Variants in C2orf81 observed in about 807,000 individuals in gnomAD.
C2orf81 encodes the protein uncharacterized protein C2orf81.
In C2orf81, 5 loss-of-function variants were observed where a neutral mutation model predicts 7.9. The observed-to-expected ratio is 0.63, with a 90% CI of 0.33 to 1.33. The LOEUF (loss-of-function observed/expected upper bound fraction) is 1.33, where lower values mean the gene tolerates loss of function less well. Ranked by LOEUF, C2orf81 falls within the 40% of genes most tolerant of loss-of-function variation. The probability of loss-of-function intolerance (pLI) is 0.05; values close to 1 mark genes in which losing one functional copy is unlikely to be tolerated. For missense variants in C2orf81, 781 were observed against 830.4 expected (o/e 0.94, Z 0.73); for synonymous variants, 346 against 367.4 (o/e 0.94, Z 0.66).
At position 74,415,413 on chromosome 2, in the gene C2orf81, G is replaced by C; in HGVS notation, c.764C>G (p.Ser255Cys). The change falls in exon 3 of 3, where the codon TCC becomes TGC. Residue 255 changes from serine to cysteine, a missense_variant. Ser to Cys is a moderately radical substitution (Grantham distance 112, BLOSUM62 -1). Coordinates refer to ENST00000684111, the MANE Select transcript of C2orf81 (RefSeq NM_001316764.3). This position sits in a 1 kb window ranked among gnomAD's most constrained non-coding sequence, Gnocchi z 5.5. Reference protein sequence around the residue: ...GQSRGLSSAGSLSASFQLSVE... With the variant: ...GQSRGLSSAGCLSASFQLSVE... ...CGACAGTTGGAAGCTCGCGCTCAAG[G>C]ACCCGGCCGAGGAGAGGCCTCTAGA... 2 of 1,530,006 alleles carry C rather than the reference G, an allele frequency of 1.3e-6. No individual in the cohort carries two copies. Among genetic ancestry groups the C allele is most frequent in the Non-Finnish European group, 1.8e-6 (2 of 1,133,202 alleles). The allele number at this position is 1,530,006 out of a possible 1,614,324, so 94.8% of individuals were successfully genotyped here. A position where few individuals can be genotyped will look rare whatever the true frequency, so the allele number is the denominator to read the frequency against.
In C2orf81 at chr2:74,415,272, T is replaced by C; in HGVS notation, c.905A>G (p.Asp302Gly). 1.9e-6 allele frequency: 3 copies of C among 1,551,050 alleles called. No individual in the cohort carries two copies. The highest frequency in any genetic ancestry group is 1.7e-6 in the Non-Finnish European group (2 of 1,146,862). The change falls in exon 3 of 3, where the codon GAC (aspartate) becomes GGC (glycine). Residue 302 changes from aspartate to glycine, a missense_variant. Physicochemically the swap from Asp to Gly is moderately conservative, Grantham distance 94. Transcript: ENST00000684111. The surrounding 1 kb of genome is among the most constrained non-coding windows in gnomAD (Gnocchi z 5.5). ...CAGTTGAGGCATGCAACAGTAGAGG[T>C]CTTCCAACGACAAATGGAAGCCGAG... is the stretch of plus-strand genomic sequence containing the variant. The part of the protein sequence containing the change: ...HPLGFHLSLE[D>G]LYCCMPQLDA...
intron 1 of C2orf81, chr2:74,418,299 G>A (rs1032344452): frequency 6.2e-7 from 1 of 1,608,380 alleles, no homozygotes; most frequent in Non-Finnish European, 8.5e-7. Context: ...GCACTTCGCT[G>A]AGCTCCTTCT....
intron 1 of C2orf81, 54 bp from the exon 2 acceptor site, chr2:74,416,295 G>A: frequency 3.2e-6 from 4 of 1,237,612 alleles, no homozygotes; most frequent in Non-Finnish European, 4.2e-6. Flanking sequence ...TGGAACGGAA[G>A]AGTAGCTATA....
chr2:74,414,428 C>T lies in C2orf81; in HGVS notation c.1749G>A (p.Leu583=), dbSNP rs573053047. ...VSMWNRSTQV[L]LSSGVPEQED... is the part of the protein sequence containing the mutation. ...CTTGTTCAGGCACACCAGAGCTGAG[C>T]AACACCTGGGTGCTCCGGTTCCACA... Residue 583 remains leucine (L), a synonymous_variant, in exon 3 of 3, where the codon TTG becomes TTA. Transcript: ENST00000684111. The surrounding 1 kb of genome is among the most constrained non-coding windows in gnomAD (Gnocchi z 5.3). The T allele has an allele frequency of 1.1e-5, 17 of 1,550,752 alleles. 1 individual carries two copies. In the South Asian group the frequency reaches 1.4e-4, roughly 13 times the overall value.
chr2:74,416,293 A>C, intron 1 of C2orf81, 52 bp from the exon 2 acceptor site: 1 of 1,243,096 alleles, frequency 8.0e-7, no homozygotes, highest in East Asian at 5.4e-5. Context: ...AGTGGAACGG[A>C]AGAGTAGCTA....
Position 74,421,604 on chromosome 2 carries a change from G to A in C2orf81, c.-44C>T, listed in dbSNP as rs753545336. On this transcript the variant is annotated 5_prime_UTR_variant, in exon 1 of 3. Transcript: ENST00000684111. The stretch of plus-strand genomic sequence containing the variant: ...AACGCTGGTGTTTCTGCTGCATCCG[G>A]GCCGCGTAAGCCACCTAACAGTCGC... 395 of 427,098 alleles carry A rather than the reference G, an allele frequency of 9.2e-4. 1 individual carries two copies. The highest frequency in any genetic ancestry group is 1.5e-3 in the Non-Finnish European group (362 of 239,600). 26.5% of individuals were successfully genotyped at this position (427,098 alleles called of 1,614,324 possible). A position where few individuals can be genotyped will look rare whatever the true frequency, so the allele number is the denominator to read the frequency against.
chr2:74,415,105 CATCCGA>C lies in C2orf81; in HGVS notation c.1066_1071del (p.Ser356_Asp357del). ...CTGTGGTGGTGGGCGCTCAGCCGCA[CATCCGA>C]GTGCCCGGCCCGCTGCTGCTGGCAG... On this transcript the variant is annotated inframe_deletion, in exon 3 of 3. Transcript: ENST00000684111. The surrounding 1 kb of genome is among the most constrained non-coding windows in gnomAD (Gnocchi z 5.5). 2.0e-6 allele frequency: 3 copies of C among 1,528,966 alleles called. No homozygotes were observed. The highest frequency in any genetic ancestry group is 2.6e-6 in the Non-Finnish European group (3 of 1,144,312). The allele number at this position is 1,528,966 out of a possible 1,614,324, so 94.7% of individuals were successfully genotyped here.
At chr2:74,418,464 T>C (rs1262232548) in intron 1 of C2orf81, 3 of 1,430,094 alleles carry the variant, frequency 2.1e-6, no homozygotes, top group East Asian at 4.6e-5. Context: ...TAAGGACTAG[T>C]TGGAAAAGTG....
At position 74,414,280 on chromosome 2, in the gene C2orf81, G is replaced by A. The variant is rs371955915; in HGVS notation, c.*49C>T. 7.0e-6 allele frequency: 10 copies of A among 1,428,822 alleles called. No individual in the cohort carries two copies. The highest frequency in any genetic ancestry group is 1.9e-4 in the Middle Eastern group (1 of 5,190). 88.5% of individuals were successfully genotyped at this position (1,428,822 alleles called of 1,614,324 possible). On this transcript the variant is annotated 3_prime_UTR_variant, in exon 3 of 3. Coordinates refer to ENST00000684111, the MANE Select transcript of C2orf81 (RefSeq NM_001316764.3). The surrounding 1 kb of genome is among the most constrained non-coding windows in gnomAD (Gnocchi z 5.3). ...TCAGAGGGAGGCAGCAGGCTTAGAG[G>A]AGCGTGACCACACTTTGGGGGCTGA...
chr2:74,419,656 T>C (rs1055218954), intron 1 of C2orf81, among the ~76,000 whole-genome samples: 7 of 152,218 alleles, frequency 4.6e-5, no homozygotes, highest in South Asian at 4.1e-4. Context: ...ACAAATTCTC[T>C]GCGGTATTTT....
At chr2:74,420,759 CTTTCTTCTTCTTCT>C (rs1676582025) in intron 1 of C2orf81, among the ~76,000 whole-genome samples, 1 of 123,114 alleles carries the variant, frequency 8.1e-6, no homozygotes, top group Non-Finnish European at 1.7e-5. Context: ...AATCCGTTTT[CTTTCTTCTTCTTCT>C]TTTTTTTTTT....
In C2orf81 at chr2:74,415,024, A is replaced by G; in HGVS notation, c.1153T>C (p.Trp385Arg). The change falls in exon 3 of 3, where the codon TGG becomes CGG. Residue 385 changes from tryptophan (W) to arginine (R), a missense_variant. Coordinates refer to ENST00000684111, the MANE Select transcript of C2orf81 (RefSeq NM_001316764.3). The surrounding 1 kb of genome is among the most constrained non-coding windows in gnomAD (Gnocchi z 5.5). ...AGGACCTCAGCCAGAGGGCGCACCC[A>G]GTGGCACGGGAGCCTCGCAGGGTCC... Reference protein sequence around the residue: ...RLDPARLPCHWVRPLAEVLVP... With the variant: ...RLDPARLPCHRVRPLAEVLVP... The G allele has an allele frequency of 6.5e-7, 1 of 1,548,770 alleles. No individual in the cohort carries two copies. Among genetic ancestry groups the G allele is most frequent in the African/African-American group, 1.4e-5 (1 of 73,052 alleles).
Position 74,415,685 on chromosome 2 carries a change from C to A in C2orf81, c.492G>T (p.Pro164=), listed in dbSNP as rs756709840. The change falls in exon 3 of 3, where the codon CCG becomes CCT. Residue 164 remains proline (P), a synonymous_variant. Coordinates refer to ENST00000684111, the MANE Select transcript of C2orf81 (RefSeq NM_001316764.3). The surrounding 1 kb of genome is among the most constrained non-coding windows in gnomAD (Gnocchi z 5.5). ...GAGCAGGAGCAATGGCAGAGGAGTC[C>A]GGAGAGGCTCCTGAGGAGTGTACTT... ...QGEVHSSGAS[P]DSSAIAPALP... is the part of the protein sequence containing the mutation. 1.9e-6 allele frequency: 3 copies of A among 1,551,462 alleles called. No individual in the cohort carries two copies. Among genetic ancestry groups the A allele is most frequent in the African/African-American group, 1.4e-5 (1 of 73,176 alleles).
Position 74,414,885 on chromosome 2 carries a change from G to T in C2orf81, c.1292C>A (p.Pro431Gln), listed in dbSNP as rs1304434889. The part of the protein sequence containing the change: ...QALGPGTRVS[P>Q]AAFFPLRPGI... ...TGGCCGGAGAGGGAAGAACGCTGCC[G>T]GGGAGACACGGGTGCCGGGGCCGAG... The change falls in exon 3 of 3, where the codon CCG becomes CAG. Residue 431 changes from proline (P) to glutamine (Q), a missense_variant. Physicochemically the swap from Pro to Gln is moderately conservative, Grantham distance 76. Transcript: ENST00000684111. The surrounding 1 kb of genome is among the most constrained non-coding windows in gnomAD (Gnocchi z 5.3). The T allele has an allele frequency of 1.3e-6, 2 of 1,546,652 alleles. No individual in the cohort carries two copies. The highest frequency in any genetic ancestry group is 8.7e-7 in the Non-Finnish European group (1 of 1,143,686).
At position 74,414,460 on chromosome 2, in the gene C2orf81, C is replaced by T. The variant is rs1676379961; in HGVS notation, c.1717G>A (p.Val573Met). The T allele has an allele frequency of 1.3e-6, 2 of 1,551,306 alleles. No homozygotes were observed. The highest frequency in any genetic ancestry group is 1.7e-6 in the Non-Finnish European group (2 of 1,146,716). ...LPEALKLAPGVSMWNRSTQVL... is the reference protein window; with the variant it reads ...LPEALKLAPGMSMWNRSTQVL... ...TGGGTGCTCCGGTTCCACATGCTCA[C>T]ACCAGGGGCCAGCTTCAGGGCTTCT... The change falls in exon 3 of 3, where the codon GTG becomes ATG. Residue 573 changes from valine (V) to methionine (M), a missense_variant. Transcript: ENST00000684111. This position sits in a 1 kb window ranked among gnomAD's most constrained non-coding sequence, Gnocchi z 5.3.
chr2:74,415,844 T>C lies in C2orf81; in HGVS notation c.333A>G (p.Glu111=), dbSNP rs1167974509. 1 of 1,551,602 alleles carries C rather than the reference T, an allele frequency of 6.4e-7. No homozygotes were observed. Among genetic ancestry groups the C allele is most frequent in the Admixed American group, 2.0e-5 (1 of 51,012 alleles). Residue 111 remains glutamate, a synonymous_variant, in exon 3 of 3, where the codon GAA becomes GAG. Coordinates refer to ENST00000684111, the MANE Select transcript of C2orf81 (RefSeq NM_001316764.3). The surrounding 1 kb of genome is among the most constrained non-coding windows in gnomAD (Gnocchi z 5.5). ...EWRFLARDEG[E]SAVAEDPTWG... Reference sequence around the variant, plus strand: ...ATGTGGGGTCCTCAGCTACTGCAGATTCTCCCTCGTCCCGGGCCAGGAAGC... The same window carrying C: ...ATGTGGGGTCCTCAGCTACTGCAGACTCTCCCTCGTCCCGGGCCAGGAAGC...
Position 74,415,506 on chromosome 2 carries a change from G to A in C2orf81, c.671C>T (p.Pro224Leu), listed in dbSNP as rs780147830. 1 of 1,544,426 alleles carries A rather than the reference G, an allele frequency of 6.5e-7. No homozygotes were observed. The highest frequency in any genetic ancestry group is 1.2e-5 in the South Asian group (1 of 83,956). The change falls in exon 3 of 3, where the codon CCT becomes CTT. Residue 224 changes from proline (P) to leucine (L), a missense_variant. Pro to Leu is a moderately conservative substitution (Grantham distance 98). Coordinates refer to ENST00000684111, the MANE Select transcript of C2orf81 (RefSeq NM_001316764.3). The surrounding 1 kb of genome is among the most constrained non-coding windows in gnomAD (Gnocchi z 5.5). The stretch of plus-strand genomic sequence containing the variant: ...CTGAAACAGCTCTGATGTGGGAGGA[G>A]GGGCCGACGTGACTCTCAGCTGCGG... The part of the protein sequence containing the change: ...PSPQLRVTSA[P>L]PPTSELFQEA...
intron 1 of C2orf81, chr2:74,416,709 C>T (rs1489669539): frequency 6.5e-6 from 1 of 154,294 alleles, no homozygotes; most frequent in Non-Finnish European, 1.4e-5. Flanking sequence ...GCCCTTATAC[C>T]AGAGCAAAGT....
chr2:74,415,292 G>A lies in C2orf81; in HGVS notation c.885C>T (p.Gly295=), dbSNP rs2103828729. Residue 295 remains glycine, a synonymous_variant, in exon 3 of 3, where the codon GGC becomes GGT. Transcript: ENST00000684111. This position sits in a 1 kb window ranked among gnomAD's most constrained non-coding sequence, Gnocchi z 5.5. The part of the protein sequence containing the change: ...QASTGRGHPL[G]FHLSLEDLYC... ...AGAGGTCTTCCAACGACAAATGGAA[G>A]CCGAGGGGGTGTCCCCTCCCAGTTG... The A allele has an allele frequency of 6.4e-7, 1 of 1,551,246 alleles. No homozygotes were observed. The highest frequency in any genetic ancestry group is 8.7e-7 in the Non-Finnish European group (1 of 1,146,814).
Sources: allele counts gnomAD v4.1 joint callset (sites outside exome capture counted in the v4.1 genomes callset), GRCh38; gene constraint gnomAD v4.1.1; non-coding constraint Gnocchi (gnomAD v3.1); transcripts MANE v1.5; gene names NCBI Gene and HGNC (gene_info 2026-07-23, HGNC 2026-07-21).